BCAS1: variants seen among roughly 807,000 people sequenced by gnomAD.
BCAS1 encodes the protein brain enriched myelin associated protein 1.
In BCAS1, 46 loss-of-function variants were observed where a neutral mutation model predicts 65.4. That is an observed-to-expected ratio of 0.70 (90% confidence interval 0.55 to 0.90). BCAS1 has a LOEUF of 0.90. BCAS1 is among the 40% of genes least tolerant of loss of function. The probability of loss-of-function intolerance (pLI) is 0.00; values close to 1 mark genes in which losing one functional copy is unlikely to be tolerated. For missense variants in BCAS1, 793 were observed against 771.2 expected (o/e 1.03, Z -0.33); for synonymous variants, 298 against 293.5 (o/e 1.02, Z -0.16).
At chr20:54,011,466 G>C (rs2091318644) in intron 4 of BCAS1, among the ~76,000 whole-genome samples, 1 of 136,454 alleles carries the variant, frequency 7.3e-6, no homozygotes, top group Admixed American at 7.1e-5. Context: ...AGGATATGCA[G>C]ATGGCAAATA....
At chr20:54,066,290 T>A (rs1302415937) in intron 1 of BCAS1, among the ~76,000 whole-genome samples, 1 of 152,192 alleles carries the variant, frequency 6.6e-6, no homozygotes, top group Non-Finnish European at 1.5e-5. Context: ...GCCAGGATGG[T>A]CTCGATCTCC....
intron 12 of BCAS1, among the ~76,000 whole-genome samples, chr20:53,949,600 T>G (rs1051185697): frequency 2.0e-5 from 3 of 152,216 alleles, no homozygotes; most frequent in African/African-American, 7.2e-5. Context: ...TTGAAAGTCT[T>G]CGAGGCTTGG....
chr20:53,957,168 A>C (rs2089725322), intron 11 of BCAS1, among the ~76,000 whole-genome samples: 1 of 152,232 alleles, frequency 6.6e-6, no homozygotes. Flanking sequence ...TTATGGCAAA[A>C]AGTGAAGGGT....
At chr20:54,041,068 G>A (rs1446513689) in intron 3 of BCAS1, among the ~76,000 whole-genome samples, 1 of 151,444 alleles carries the variant, frequency 6.6e-6, no homozygotes, top group East Asian at 1.9e-4. Context: ...AGTGAAAGAC[G>A]CCAGACACAA....
In BCAS1 at chr20:54,028,823, T is replaced by A. The variant is rs139488468; in HGVS notation, c.292A>T (p.Met98Leu). ...APAAKSRFFLMLSRPVPGRTG... is the reference protein window; with the variant it reads ...APAAKSRFFLLLSRPVPGRTG... ...CGTCCTGGTACAGGCCGAGAGAGCA[T>A]CAAGAAAAAACGAGATTTAGCAGCT... Residue 98 changes from methionine (M) to leucine (L), a missense_variant, in exon 4 of 13, where the codon ATG (methionine) becomes TTG (leucine). Transcript: ENST00000688948. The A allele has an allele frequency of 2.0e-5, 33 of 1,614,008 alleles. No homozygotes were observed. In the East Asian group the frequency reaches 3.6e-4, roughly 17 times the overall value.
At chr20:54,059,123 T>G (rs528561155) in intron 1 of BCAS1, among the ~76,000 whole-genome samples, 1 of 152,278 alleles carries the variant, frequency 6.6e-6, no homozygotes, top group African/African-American at 2.4e-5. Context: ...ATGATCCAAT[T>G]ACCTCCACCT....
intron 11 of BCAS1, among the ~76,000 whole-genome samples, chr20:53,955,418 A>C (rs1002927173): frequency 2.0e-5 from 3 of 152,260 alleles, no homozygotes; most frequent in Non-Finnish European, 4.4e-5. Flanking sequence ...TCTCCTTAGA[A>C]TGAAACAGAA....
At chr20:54,010,859 G>A (rs1298978507) in intron 4 of BCAS1, among the ~76,000 whole-genome samples, 1 of 152,166 alleles carries the variant, frequency 6.6e-6, no homozygotes, top group Non-Finnish European at 1.5e-5. Flanking sequence ...AGTAAGCAAG[G>A]CTGTATGGTA....
chr20:54,005,221 C>A (rs1280896473), intron 4 of BCAS1, among the ~76,000 whole-genome samples: 1 of 151,854 alleles, frequency 6.6e-6, no homozygotes, highest in African/African-American at 2.4e-5. Context: ...TTTGGGAGGT[C>A]AATGCAGGAG....
intron 4 of BCAS1, among the ~76,000 whole-genome samples, chr20:54,013,317 A>C (rs1157580154): frequency 6.6e-6 from 1 of 152,232 alleles, no homozygotes; most frequent in Non-Finnish European, 1.5e-5. Flanking sequence ...AAATAATACA[A>C]GGAAACATGG....
chr20:53,965,087 A>G (rs2089992184), intron 10 of BCAS1, among the ~76,000 whole-genome samples: 2 of 152,218 alleles, frequency 1.3e-5, no homozygotes, highest in Admixed American at 1.3e-4. Context: ...TCAAGTCTTA[A>G]TCTCCATTTT....
intron 4 of BCAS1, among the ~76,000 whole-genome samples, chr20:54,004,042 T>C (rs1294061814): frequency 6.6e-6 from 1 of 152,212 alleles, no homozygotes; most frequent in Non-Finnish European, 1.5e-5. Flanking sequence ...GTTATTCTTT[T>C]AATGTGTATT....
intron 4 of BCAS1, among the ~76,000 whole-genome samples, chr20:54,024,746 CTG>C (rs1172358903): frequency 1.3e-5 from 2 of 152,158 alleles, no homozygotes; most frequent in Non-Finnish European, 2.9e-5. Flanking sequence ...CACTCAGTCA[CTG>C]TGTCGGATTC....
At position 53,957,488 on chromosome 20, in the gene BCAS1, C is replaced by T; in HGVS notation, c.1495G>A (p.Gly499Arg). 1.9e-6 allele frequency: 3 copies of T among 1,614,044 alleles called. No homozygotes were observed. Among genetic ancestry groups the T allele is most frequent in the Non-Finnish European group, 2.5e-6 (3 of 1,179,862 alleles). Reference sequence around the variant, plus strand: ...TCTGAGTGGGTGATCCCTCCATCCCCTTTCACTGACTAAAATAACAAACAG... The same window carrying T: ...TCTGAGTGGGTGATCCCTCCATCCCTTTTCACTGACTAAAATAACAAACAG... ...MAFLRQMSVK[G>R]DGGITHSEEI... Residue 499 changes from glycine to arginine, a missense_variant, in exon 11 of 13, where the codon GGG becomes AGG. Coordinates refer to ENST00000688948, the MANE Select transcript of BCAS1 (RefSeq NM_001366298.2).
chr20:53,976,239 T>C (rs948815475), intron 8 of BCAS1, among the ~76,000 whole-genome samples: 3 of 152,218 alleles, frequency 2.0e-5, no homozygotes, highest in Non-Finnish European at 4.4e-5. Context: ...AACTTCTGGA[T>C]GGATGGTGGT....
chr20:53,989,453 T>A (rs547744146), intron 7 of BCAS1, among the ~76,000 whole-genome samples: 1 of 152,284 alleles, frequency 6.6e-6, no homozygotes, highest in South Asian at 2.1e-4. Flanking sequence ...CATGATTACG[T>A]CCCCAATTCC....
chr20:53,996,461 T>TAAAAAAAAAAAAAAAA (rs143929524), intron 4 of BCAS1, among the ~76,000 whole-genome samples: 1 of 92,200 alleles, frequency 1.1e-5, no homozygotes, highest in Non-Finnish European at 2.4e-5. Flanking sequence ...TTATATCAAC[T>TAAAAAAAAAAAAAAAA]AAAAAAAAAA....
chr20:54,066,286 A>G lies in BCAS1; in HGVS notation c.-6+4147T>C, dbSNP rs867913645. ...ACGGGGTTTCCCCGTGTTAGCCAGGATGGTCTCGATCTCCTGACCTCGTGA... is the reference window on the plus strand; with the variant it reads ...ACGGGGTTTCCCCGTGTTAGCCAGGGTGGTCTCGATCTCCTGACCTCGTGA... On this transcript the variant is annotated intron_variant, in intron 1 of 12. Coordinates refer to ENST00000688948, the MANE Select transcript of BCAS1 (RefSeq NM_001366298.2). Among the ~76,000 whole-genome samples, 60 of 152,068 alleles carry G rather than the reference A, an allele frequency of 3.9e-4. 1 individual carries two copies. The highest frequency in any genetic ancestry group is 1.4e-3 in the African/African-American group (57 of 41,410).
rs1043119203 is a variant in BCAS1, at chr20:54,039,197, G to A, written c.143-10225C>T. Among the ~76,000 whole-genome samples, 5 of 151,448 alleles carry A rather than the reference G, an allele frequency of 3.3e-5. No individual in the cohort carries two copies. In the East Asian group the frequency reaches 9.6e-4, roughly 29 times the overall value. ...TAAAGGTCGTAAAGTCAGGGTACAC[G>A]TGGCAGATACTTATGACTTGGAGGA... is the stretch of plus-strand genomic sequence containing the variant. On this transcript the variant is annotated intron_variant, in intron 3 of 12. Transcript: ENST00000688948.
Sources: allele counts gnomAD v4.1 joint callset (sites outside exome capture counted in the v4.1 genomes callset), GRCh38; gene constraint gnomAD v4.1.1; transcripts MANE v1.5; gene names NCBI Gene and HGNC (gene_info 2026-07-23, HGNC 2026-07-21).